Variants in NALF1 observed in about 807,000 individuals in gnomAD.
The protein encoded by NALF1 is NALCN channel auxiliary factor 1.
NALF1 carries 3 observed loss-of-function variants against 48.4 expected under a neutral mutation model. That is an observed-to-expected ratio of 0.06 (90% CI 0.03 to 0.16). The LOEUF is 0.16. NALF1 is among the 10% of genes least tolerant of loss of function. The pLI is 1.00. For missense variants in NALF1, 526 were observed against 571.5 expected (o/e 0.92, Z 0.81); for synonymous variants, 262 against 245.7 (o/e 1.07, Z -0.62).
intron 1 of NALF1, among the ~76,000 whole-genome samples, chr13:107,269,568 A>G (rs1467622004): frequency 6.6e-6 from 1 of 152,140 alleles, no homozygotes; most frequent in Non-Finnish European, 1.5e-5. Context: ...GTTGCAAATC[A>G]CCCATGGTTT....
intron 1 of NALF1, among the ~76,000 whole-genome samples, chr13:107,845,840 A>G (rs1174293783): frequency 6.6e-6 from 1 of 152,186 alleles, no homozygotes; most frequent in Non-Finnish European, 1.5e-5. Flanking sequence ...ACCCAAAAGA[A>G]TGCCACTACT....
intron 1 of NALF1, among the ~76,000 whole-genome samples, chr13:107,321,780 G>A (rs973674468): frequency 6.6e-6 from 1 of 152,104 alleles, no homozygotes; most frequent in Non-Finnish European, 1.5e-5. Flanking sequence ...CATTTCAAAT[G>A]TGGCATCATT....
At chr13:107,667,279 C>T (rs1391898671) in intron 1 of NALF1, among the ~76,000 whole-genome samples, 2 of 151,900 alleles carry the variant, frequency 1.3e-5, no homozygotes, top group African/African-American at 4.8e-5. Context: ...CATAAACACA[C>T]TAAAAATTAA....
chr13:107,639,888 T>C (rs1295879592), intron 1 of NALF1, among the ~76,000 whole-genome samples: 1 of 152,208 alleles, frequency 6.6e-6, no homozygotes, highest in Non-Finnish European at 1.5e-5. Flanking sequence ...TCCTAATACC[T>C]GAGAAAGGTA....
chr13:107,544,768 G>A (rs1350599475), intron 1 of NALF1, among the ~76,000 whole-genome samples: 2 of 152,052 alleles, frequency 1.3e-5, no homozygotes, highest in African/African-American at 4.8e-5. Context: ...TGCCTTGAAG[G>A]AGAAAAAAAG....
chr13:107,692,537 T>C (rs1311122518), intron 1 of NALF1, among the ~76,000 whole-genome samples: 1 of 152,222 alleles, frequency 6.6e-6, no homozygotes, highest in Admixed American at 6.5e-5. Context: ...TAGAAATTAC[T>C]TTAATTCTGG....
At chr13:107,241,580 C>T (rs1413711999) in intron 1 of NALF1, among the ~76,000 whole-genome samples, 1 of 152,188 alleles carries the variant, frequency 6.6e-6, no homozygotes, top group Non-Finnish European at 1.5e-5. Flanking sequence ...ACAGGCTCAT[C>T]ATGACACTTA....
chr13:107,678,007 G>C (rs1881176692), intron 1 of NALF1, among the ~76,000 whole-genome samples: 1 of 152,062 alleles, frequency 6.6e-6, no homozygotes, highest in African/African-American at 2.4e-5. Context: ...TCTATATAAA[G>C]CCATGGCCCA....
chr13:107,188,410 C>T (rs1346721717), intron 2 of NALF1, among the ~76,000 whole-genome samples: 2 of 151,722 alleles, frequency 1.3e-5, no homozygotes, highest in Non-Finnish European at 2.9e-5. Context: ...ATAAGAGAGG[C>T]CAATCTAAGA....
At chr13:107,244,844 T>C (rs1306770981) in intron 1 of NALF1, among the ~76,000 whole-genome samples, 1 of 152,188 alleles carries the variant, frequency 6.6e-6, no homozygotes, top group Non-Finnish European at 1.5e-5. Flanking sequence ...GCCTACTAAT[T>C]TTTTTAGCTT....
chr13:107,650,444 A>C (rs1207696517), intron 1 of NALF1, among the ~76,000 whole-genome samples: 2 of 149,776 alleles, frequency 1.3e-5, no homozygotes, highest in Non-Finnish European at 3.0e-5. Flanking sequence ...GACCTGGATG[A>C]GACTGGAGAC....
intron 1 of NALF1, among the ~76,000 whole-genome samples, chr13:107,800,827 A>T (rs909925311): frequency 6.6e-6 from 1 of 150,844 alleles, no homozygotes; most frequent in Non-Finnish European, 1.5e-5. Flanking sequence ...ATGAAATAAC[A>T]TCCCCTAAAC....
At chr13:107,351,857 C>T (rs367680603) in intron 1 of NALF1, among the ~76,000 whole-genome samples, 114 of 152,286 alleles carry the variant, frequency 7.5e-4, no homozygotes, top group African/African-American at 2.4e-3. Flanking sequence ...TTGCAGCCTG[C>T]GGGCTGGCCA....
At position 107,552,965 on chromosome 13, in the gene NALF1, C is replaced by T. The variant is rs575532339; in HGVS notation, c.915+312717G>A. ...CTTAAATACTCTGAATTGTTATCTA[C>T]GAAATCAGTAGTTAAAATTTAATAA... is the stretch of plus-strand genomic sequence containing the variant. On this transcript the variant is annotated intron_variant, in intron 1 of 2. Coordinates refer to ENST00000375915, the MANE Select transcript of NALF1 (RefSeq NM_001080396.3). Among the ~76,000 whole-genome samples, 17 of 151,820 alleles carry T rather than the reference C, an allele frequency of 1.1e-4. No individual in the cohort carries two copies. The South Asian group carries it at 2.3e-3, about 21-fold the overall frequency.
intron 1 of NALF1, among the ~76,000 whole-genome samples, chr13:107,380,207 C>A (rs1883408985): frequency 6.6e-6 from 1 of 152,110 alleles, no homozygotes; most frequent in East Asian, 1.9e-4. Flanking sequence ...ACTAAAACAA[C>A]AATTTTTAAA....
At chr13:107,355,507 AAT>A (rs1171649853) in intron 1 of NALF1, among the ~76,000 whole-genome samples, 33 of 152,156 alleles carry the variant, frequency 2.2e-4, no homozygotes, top group African/African-American at 8.0e-4. Flanking sequence ...ATCTCATTAC[AAT>A]AGAATTGTAG....
intron 1 of NALF1, among the ~76,000 whole-genome samples, chr13:107,791,206 AG>A (rs1339268536): frequency 2.0e-5 from 3 of 152,198 alleles, no homozygotes; most frequent in Non-Finnish European, 4.4e-5. Flanking sequence ...TTTTGCCAAA[AG>A]TTTGGCAATA....
chr13:107,319,733 G>C (rs1882218195), intron 1 of NALF1, among the ~76,000 whole-genome samples: 1 of 152,120 alleles, frequency 6.6e-6, no homozygotes. Flanking sequence ...CATGCAGTCA[G>C]TAAATGGTGG....
At position 107,785,106 on chromosome 13, in the gene NALF1, A is replaced by T. The variant is rs573439811; in HGVS notation, c.915+80576T>A. Reference sequence around the variant, plus strand: ...TATATATACACACACATATATATGTATGTATATGTATATATATATTCATAT... The same window carrying T: ...TATATATACACACACATATATATGTTTGTATATGTATATATATATTCATAT... On this transcript the variant is annotated intron_variant, in intron 1 of 2. Coordinates refer to ENST00000375915, the MANE Select transcript of NALF1 (RefSeq NM_001080396.3). Among the ~76,000 whole-genome samples, 22 of 151,796 alleles carry T rather than the reference A, an allele frequency of 1.4e-4. No individual in the cohort carries two copies. In the South Asian group the frequency reaches 3.9e-3, roughly 27 times the overall value.
Sources: gnomAD v4.1 joint callset for allele counts (sites outside exome capture counted in the v4.1 genomes callset) on GRCh38, gnomAD v4.1.1 for gene constraint, MANE v1.5 for transcripts, NCBI Gene and HGNC (gene_info 2026-07-23, HGNC 2026-07-21) for gene names.